The following PDE11A variants were observed in gnomAD, a reference collection of about 807,000 sequenced individuals.
PDE11A encodes the protein phosphodiesterase 11A.
PDE11A carries 100 observed loss-of-function variants against 100.5 expected under a neutral mutation model. The ratio of observed to expected loss-of-function variants is 1.00; its 90% CI spans 0.85 to 1.18. The LOEUF is 1.18. Among genes scored for constraint, PDE11A ranks in the 50% most tolerant of loss-of-function variants. PDE11A has a pLI of 0.00. For synonymous variants in PDE11A, 381 were observed against 420.8 expected (o/e 0.91, Z 1.16); for missense variants, 1,141 against 1,152.6 (o/e 0.99, Z 0.15).
chr2:177,754,566 T>C (rs2082066217), intron 10 of PDE11A, among the ~76,000 whole-genome samples: 1 of 152,264 alleles, frequency 6.6e-6, no homozygotes, highest in Non-Finnish European at 1.5e-5. Flanking sequence ...TGCTTCCTTG[T>C]CTCCAGCGTC....
chr2:177,935,794 A>T (rs1208247102), intron 2 of PDE11A, among the ~76,000 whole-genome samples: 1 of 152,186 alleles, frequency 6.6e-6, no homozygotes, highest in African/African-American at 2.4e-5. Flanking sequence ...TGCGATGTTG[A>T]GCAAAATAAT....
chr2:177,984,105 G>A (rs944557285), intron 2 of PDE11A, among the ~76,000 whole-genome samples: 22 of 152,194 alleles, frequency 1.4e-4, no homozygotes, highest in African/African-American at 4.6e-4. Context: ...TGCAATTGTT[G>A]GACAGCTTGG....
At chr2:177,928,104 CAAAAAAA>C (rs59085357) in intron 2 of PDE11A, among the ~76,000 whole-genome samples, 4 of 56,424 alleles carry the variant, frequency 7.1e-5, no homozygotes, top group African/African-American at 2.7e-4. Context: ...AACTCCATCT[CAAAAAAA>C]AAAAAAAAAA....
chr2:177,982,602 C>A (rs1425194881), intron 2 of PDE11A, among the ~76,000 whole-genome samples: 1 of 150,456 alleles, frequency 6.6e-6, no homozygotes, highest in Admixed American at 6.6e-5. Flanking sequence ...AAAAAAGATT[C>A]ATATGCCAAT....
chr2:177,963,213 C>A (rs762816953), intron 2 of PDE11A, among the ~76,000 whole-genome samples: 2 of 152,148 alleles, frequency 1.3e-5, no homozygotes, highest in African/African-American at 4.8e-5. Flanking sequence ...AAGGTTCCTA[C>A]TCAGACAATT....
chr2:177,948,480 G>T (rs1349418613), intron 2 of PDE11A, among the ~76,000 whole-genome samples: 3 of 152,120 alleles, frequency 2.0e-5, no homozygotes, highest in Admixed American at 2.0e-4. Flanking sequence ...ATGATAGGTA[G>T]AAAATAGTAT....
At chr2:177,761,213 C>T (rs1263863413) in intron 10 of PDE11A, among the ~76,000 whole-genome samples, 1 of 152,022 alleles carries the variant, frequency 6.6e-6, no homozygotes. Context: ...AGTACCTATC[C>T]TAAACAAAGA....
At chr2:177,940,555 A>G (rs1358200731) in intron 2 of PDE11A, among the ~76,000 whole-genome samples, 1 of 152,178 alleles carries the variant, frequency 6.6e-6, no homozygotes, top group Non-Finnish European at 1.5e-5. Context: ...CTATTTGTCC[A>G]TTGCACTCCT....
intron 10 of PDE11A, among the ~76,000 whole-genome samples, chr2:177,732,013 T>G (rs540438578): frequency 6.6e-6 from 1 of 152,354 alleles, no homozygotes; most frequent in Admixed American, 6.5e-5. Context: ...TCTATCATCT[T>G]TATCCAAAAA....
chr2:177,661,548 T>A (rs1327151327), intron 19 of PDE11A, among the ~76,000 whole-genome samples: 1 of 152,040 alleles, frequency 6.6e-6, no homozygotes, highest in African/African-American at 2.4e-5. Flanking sequence ...CTGCATGAGA[T>A]CAAATAAAAT....
intron 10 of PDE11A, among the ~76,000 whole-genome samples, chr2:177,742,653 G>A (rs868466620): frequency 2.6e-5 from 4 of 152,174 alleles, no homozygotes; most frequent in African/African-American, 7.2e-5. Context: ...AACTGTGTTT[G>A]CCTCATTTTT....
chr2:177,980,279 T>C (rs1421821937), intron 2 of PDE11A, among the ~76,000 whole-genome samples: 1 of 150,972 alleles, frequency 6.6e-6, no homozygotes, highest in East Asian at 1.9e-4. Flanking sequence ...GTTTTAGCTT[T>C]TATATCCTAT....
rs192179594 is a variant in PDE11A at position 177,862,713 on chromosome 2, T to C, written c.1367+13146A>G. ...TACAAATAAATGGAAAGATATCCTATGCTCCTGGATTGGAAGAAGTAATAT... is the reference window on the plus strand; with the variant it reads ...TACAAATAAATGGAAAGATATCCTACGCTCCTGGATTGGAAGAAGTAATAT... On this transcript the variant is annotated intron_variant, in intron 5 of 19. Coordinates refer to ENST00000286063, the MANE Select transcript of PDE11A (RefSeq NM_016953.4). Among the ~76,000 whole-genome samples the C allele has an allele frequency of 7.3e-3, 1,106 of 152,072 alleles. 13 individuals are homozygous for C. Among genetic ancestry groups the C allele is most frequent in the African/African-American group, 0.025 (1,029 of 41,546 alleles).
chr2:177,737,547 G>A (rs942413391), intron 10 of PDE11A, among the ~76,000 whole-genome samples: 1 of 151,204 alleles, frequency 6.6e-6, no homozygotes, highest in African/African-American at 2.4e-5. Flanking sequence ...CTTGCAGTGA[G>A]CTGAGATCAC....
At chr2:177,692,203 G>A (rs1379884622) in intron 15 of PDE11A, among the ~76,000 whole-genome samples, 1 of 152,120 alleles carries the variant, frequency 6.6e-6, no homozygotes, top group East Asian at 1.9e-4. Context: ...ATTAGTTGTT[G>A]TTTTTATTAC....
chr2:177,822,008 T>C (rs767865168), intron 6 of PDE11A, among the ~76,000 whole-genome samples: 4 of 151,982 alleles, frequency 2.6e-5, no homozygotes, highest in Non-Finnish European at 4.4e-5. Context: ...GCAAGATATA[T>C]GTATTACAAA....
chr2:177,701,151 G>A lies in PDE11A; in HGVS notation c.2214C>T (p.Phe738=), dbSNP rs762442576. Residue 738 remains phenylalanine, a synonymous_variant, in exon 14 of 20, where the codon TTC becomes TTT. Transcript: ENST00000286063. ...TTTGAAGGATCATCACGGCGTGGTTGAAATGGTGATGCTCCAAGGTAGCAG... is the reference window on the plus strand; with the variant it reads ...TTTGAAGGATCATCACGGCGTGGTTAAAATGGTGATGCTCCAAGGTAGCAG... ...GTSATLEHHH[F]NHAVMILQSE... The A allele has an allele frequency of 5.6e-6, 9 of 1,605,854 alleles. No homozygotes were observed. Among genetic ancestry groups the A allele is most frequent in the Non-Finnish European group, 7.7e-6 (9 of 1,172,588 alleles).
intron 2 of PDE11A, chr2:178,011,962 C>G (rs2086279011): frequency 6.6e-6 from 1 of 152,246 alleles, no homozygotes; most frequent in South Asian, 2.1e-4. Flanking sequence ...GGAAGAAATA[C>G]TTTCCCGTGA....
At chr2:177,981,193 A>G (rs1173939058) in intron 2 of PDE11A, among the ~76,000 whole-genome samples, 1 of 150,478 alleles carries the variant, frequency 6.6e-6, no homozygotes, top group East Asian at 1.9e-4. Flanking sequence ...AAATAAGACA[A>G]TTTTTGTCAA....
Sources: gnomAD v4.1 joint callset for allele counts (sites outside exome capture counted in the v4.1 genomes callset) on GRCh38, gnomAD v4.1.1 for gene constraint, MANE v1.5 for transcripts, NCBI Gene and HGNC (gene_info 2026-07-23, HGNC 2026-07-21) for gene names.